The following NEURL1B variants were observed in gnomAD, a reference collection of about 807,000 sequenced individuals.
NEURL1B encodes the protein neuralized E3 ubiquitin protein ligase 1B.
A neutral mutation model predicts 37.4 loss-of-function variants in NEURL1B; 13 were observed. That is an observed-to-expected ratio of 0.35 (90% CI 0.23 to 0.55). The LOEUF (loss-of-function observed/expected upper bound fraction) is 0.55. Ranked by LOEUF, NEURL1B falls within the 20% of genes least tolerant of loss-of-function variation. NEURL1B has a pLI of 0.89. For synonymous variants in NEURL1B, 432 were observed against 426.6 expected (o/e 1.01, Z -0.16); for missense variants, 790 against 879.2 (o/e 0.90, Z 1.28).
chr5:172,641,501 G>A lies in NEURL1B; in HGVS notation c.31+64G>A. ...CTTCTCTCCTCCGGGGGACCCGCTG[G>A]GTGACTCTGGAGAGCTACCCCACGG... On this transcript the variant is annotated intron_variant, in intron 1 of 4. Coordinates refer to ENST00000369800, the MANE Select transcript of NEURL1B (RefSeq NM_001142651.3). This position sits in a 1 kb window ranked among gnomAD's most constrained non-coding sequence, Gnocchi z 6.4. The A allele has an allele frequency of 8.1e-7, 1 of 1,233,012 alleles. No individual in the cohort carries two copies. The highest frequency in any genetic ancestry group is 1.0e-6 in the Non-Finnish European group (1 of 981,440). 76.4% of individuals were successfully genotyped at this position (1,233,012 alleles called of 1,614,324 possible).
intron 2 of NEURL1B, among the ~76,000 whole-genome samples, chr5:172,673,279 G>T (rs1407346172): frequency 1.3e-5 from 2 of 152,114 alleles, no homozygotes; most frequent in Non-Finnish European, 1.5e-5. Flanking sequence ...ATACCTGGGA[G>T]AATTTGGCTT....
chr5:172,680,178 A>C (rs1296842348), intron 2 of NEURL1B, among the ~76,000 whole-genome samples: 2 of 152,160 alleles, frequency 1.3e-5, no homozygotes, highest in East Asian at 3.9e-4. Flanking sequence ...ATTACTCTTC[A>C]TGACAGTAAT....
rs557083433 is a variant in NEURL1B, at chr5:172,645,738, G to A, written c.31+4301G>A. Among the ~76,000 whole-genome samples the A allele has an allele frequency of 8.5e-5, 13 of 152,198 alleles. No homozygotes were observed. The South Asian group carries it at 1.2e-3, about 15-fold the overall frequency. ...TCAGTGATTCTGTAGAATCAGAATC[G>A]CTTGCTACCCTCAGGAGCTGGCCCT... On this transcript the variant is annotated intron_variant, in intron 1 of 4. Coordinates refer to ENST00000369800, the MANE Select transcript of NEURL1B (RefSeq NM_001142651.3).
intron 1 of NEURL1B, among the ~76,000 whole-genome samples, chr5:172,649,345 C>CTTTTTTTT (rs70984904): frequency 1.5e-5 from 1 of 65,164 alleles, no homozygotes; most frequent in Non-Finnish European, 2.8e-5. Context: ...CCCTTCACTT[C>CTTTTTTTT]TTTTTTTTTT....
rs1554098271 is a variant in NEURL1B, at chr5:172,669,787, C to A, written c.34C>A (p.Pro12Thr). ...GTGCTGCCTGTGTCTTTCCGCAGAC[C>A]CGAGCCCACCGGCGCGCCTCCTGGC... ...GNTVHRTLPDPSPPARLLATR... is the reference protein window; with the variant it reads ...GNTVHRTLPDTSPPARLLATR... The change falls in exon 2 of 5, where the codon CCG becomes ACG. Residue 12 changes from proline (P) to threonine (T), a missense_variant and splice_region_variant. Pro to Thr is a conservative substitution (Grantham distance 38). Around this residue, in one of 3 missense-constraint regions of NEURL1B, gnomAD observed 215 missense variants for 309.2 expected, o/e 0.70. Coordinates refer to ENST00000369800, the MANE Select transcript of NEURL1B (RefSeq NM_001142651.3). 1 of 1,266,064 alleles carries A rather than the reference C, an allele frequency of 7.9e-7. No homozygotes were observed. The highest frequency in any genetic ancestry group is 1.0e-6 in the Non-Finnish European group (1 of 997,566). The allele number at this position is 1,266,064 out of a possible 1,614,324, so 78.4% of individuals were successfully genotyped here. A position where few individuals can be genotyped will look rare whatever the true frequency, so the allele number is the denominator to read the frequency against.
chr5:172,651,866 G>A (rs1757672211), intron 1 of NEURL1B, among the ~76,000 whole-genome samples: 1 of 152,208 alleles, frequency 6.6e-6, no homozygotes, highest in Non-Finnish European at 1.5e-5. Flanking sequence ...CAAAAGACCT[G>A]TAAGGGCTTC....
In NEURL1B at chr5:172,684,032, C is replaced by T; in HGVS notation, c.1191C>T (p.Gly397=). The T allele has an allele frequency of 1.5e-6, 2 of 1,338,272 alleles. No individual in the cohort carries two copies. Among genetic ancestry groups the T allele is most frequent in the Non-Finnish European group, 1.9e-6 (2 of 1,041,922 alleles). The allele number at this position is 1,338,272 out of a possible 1,614,324, so 82.9% of individuals were successfully genotyped here. Residue 397 remains glycine, a synonymous_variant, in exon 3 of 5, where the codon GGC becomes GGT. Transcript: ENST00000369800. ...GGCCCGGCGGCGACGTGCTCCTGGGCATCAACGGGCGTCCGCGCGGCCGCC... is the reference window on the plus strand; with the variant it reads ...GGCCCGGCGGCGACGTGCTCCTGGGTATCAACGGGCGTCCGCGCGGCCGCC... ...TLRPGGDVLL[G]INGRPRGRLL...
At chr5:172,678,242 A>G (rs1367006682) in intron 2 of NEURL1B, among the ~76,000 whole-genome samples, 1 of 152,214 alleles carries the variant, frequency 6.6e-6, no homozygotes, top group Non-Finnish European at 1.5e-5. Flanking sequence ...GAAGGCATCT[A>G]AGAACAACTG....
rs1048801693 is a variant in NEURL1B at position 172,661,746 on chromosome 5, C to T, written c.32-8039C>T. On this transcript the variant is annotated intron_variant, in intron 1 of 4. Coordinates refer to ENST00000369800, the MANE Select transcript of NEURL1B (RefSeq NM_001142651.3). The surrounding 1 kb of genome is among the most constrained non-coding windows in gnomAD (Gnocchi z 4.0). Reference sequence around the variant, plus strand: ...GGAACTCCAGCAGGCTGGAAGCCGGCGTCTCGGGGCCAGAGTATCGGGAGC... The same window carrying T: ...GGAACTCCAGCAGGCTGGAAGCCGGTGTCTCGGGGCCAGAGTATCGGGAGC... Among the ~76,000 whole-genome samples, 3 of 152,256 alleles carry T rather than the reference C, an allele frequency of 2.0e-5. No homozygotes were observed. Among genetic ancestry groups the T allele is most frequent in the East Asian group, 3.8e-4 (2 of 5,204 alleles).
intron 1 of NEURL1B, among the ~76,000 whole-genome samples, chr5:172,662,937 G>A (rs1432113688): frequency 6.6e-6 from 1 of 151,634 alleles, no homozygotes; most frequent in Non-Finnish European, 1.5e-5. Flanking sequence ...GATTAACCAT[G>A]GGGGTTAGGC....
intron 1 of NEURL1B, among the ~76,000 whole-genome samples, chr5:172,654,378 A>G (rs1002544651): frequency 7.9e-5 from 12 of 152,052 alleles, no homozygotes; most frequent in Non-Finnish European, 1.6e-4. Flanking sequence ...TTTTCCCTCA[A>G]TCACCTGGGA....
chr5:172,683,624 C>G lies in NEURL1B; in HGVS notation c.783C>G (p.Cys261Trp). ...PADAAAAAIP[C>W]GPRERPRPAS... Reference sequence around the variant, plus strand: ...ACGCCGCGGCCGCCGCCATTCCGTGCGGGCCCCGTGAGCGCCCGCGGCCCG... The same window carrying G: ...ACGCCGCGGCCGCCGCCATTCCGTGGGGGCCCCGTGAGCGCCCGCGGCCCG... The change falls in exon 3 of 5, where the codon TGC (cysteine) becomes TGG (tryptophan). Residue 261 changes from cysteine (C) to tryptophan (W), a missense_variant. By Grantham distance (215) the Cys-to-Trp change is radical. Coordinates refer to ENST00000369800, the MANE Select transcript of NEURL1B (RefSeq NM_001142651.3). This position sits in a 1 kb window ranked among gnomAD's most constrained non-coding sequence, Gnocchi z 5.6. 2 of 1,246,808 alleles carry G rather than the reference C, an allele frequency of 1.6e-6. No homozygotes were observed. The highest frequency in any genetic ancestry group is 1.0e-6 in the Non-Finnish European group (1 of 991,872). 77.2% of individuals were successfully genotyped at this position (1,246,808 alleles called of 1,614,324 possible). A position where few individuals can be genotyped will look rare whatever the true frequency, so the allele number is the denominator to read the frequency against.
At chr5:172,659,402 G>A (rs986463180) in intron 1 of NEURL1B, among the ~76,000 whole-genome samples, 9 of 152,144 alleles carry the variant, frequency 5.9e-5, no homozygotes, top group Admixed American at 5.9e-4. Context: ...AAGGAGAAAC[G>A]GTAGGCCTGG....
intron 2 of NEURL1B, among the ~76,000 whole-genome samples, chr5:172,680,092 G>A (rs939449086): frequency 1.8e-4 from 28 of 152,316 alleles, no homozygotes; most frequent in South Asian, 6.2e-4. Flanking sequence ...ACACAGCAGC[G>A]CTGGGCCCAC....
rs1758546735 is a variant in NEURL1B at position 172,687,931 on chromosome 5, G to A, written c.*1006G>A. ...ACCTGCTGGCAGGAGGAGGAACGAG[G>A]GCTTTATAACTTTGGTTATAACTTT... is the stretch of plus-strand genomic sequence containing the variant. On this transcript the variant is annotated 3_prime_UTR_variant, in exon 5 of 5. Transcript: ENST00000369800. 1 of 152,362 alleles carries A rather than the reference G, an allele frequency of 6.6e-6. No individual in the cohort carries two copies. The highest frequency in any genetic ancestry group is 6.5e-5 in the Admixed American group (1 of 15,288). 9.4% of individuals were successfully genotyped at this position (152,362 alleles called of 1,614,324 possible).
intron 1 of NEURL1B, among the ~76,000 whole-genome samples, chr5:172,669,199 T>G (rs1208192055): frequency 6.6e-6 from 1 of 152,176 alleles, no homozygotes; most frequent in Non-Finnish European, 1.5e-5. Flanking sequence ...GCTAGAGAAG[T>G]GACAAGTCTG....
chr5:172,663,880 A>T (rs10476045), intron 1 of NEURL1B, among the ~76,000 whole-genome samples: 120,057 of 149,036 alleles, frequency 0.81, 48,862 homozygotes, highest in African/African-American at 0.93. Flanking sequence ...GGGTATCTGT[A>T]TGAGTCTGGT....
chr5:172,683,642 GC>G lies in NEURL1B; in HGVS notation c.802del (p.Arg268GlyfsTer23). On this transcript the variant is annotated frameshift_variant, in exon 3 of 5. Coordinates refer to ENST00000369800, the MANE Select transcript of NEURL1B (RefSeq NM_001142651.3). LOFTEE classifies it high-confidence loss of function. This position sits in a 1 kb window ranked among gnomAD's most constrained non-coding sequence, Gnocchi z 5.6. The stretch of plus-strand genomic sequence containing the variant: ...TTCCGTGCGGGCCCCGTGAGCGCCC[GC>G]GGCCCGCGTCGTCGCCGGCGCTACT... ...AIPCGPRERP[R>X]PASSPALLEA... The G allele has an allele frequency of 8.1e-7, 1 of 1,241,212 alleles. No individual in the cohort carries two copies. The highest frequency in any genetic ancestry group is 1.0e-6 in the Non-Finnish European group (1 of 984,558). The allele number at this position is 1,241,212 out of a possible 1,614,324, so 76.9% of individuals were successfully genotyped here.
chr5:172,647,543 C>A lies in NEURL1B; in HGVS notation c.31+6106C>A, dbSNP rs1017694097. 2.8e-4 allele frequency among the ~76,000 whole-genome samples: 42 copies of A among 152,134 alleles called. No individual in the cohort carries two copies. Among genetic ancestry groups the A allele is most frequent in the Non-Finnish European group, 4.1e-4 (28 of 68,022 alleles). On this transcript the variant is annotated intron_variant, in intron 1 of 4. Coordinates refer to ENST00000369800, the MANE Select transcript of NEURL1B (RefSeq NM_001142651.3). This position sits in a 1 kb window ranked among gnomAD's most constrained non-coding sequence, Gnocchi z 4.2. The stretch of plus-strand genomic sequence containing the variant: ...CCCCTCCATCCCACGGGGCACTGCA[C>A]CCTGGGGCCTCTTGCGGCTCCTCTT...
Sources: allele counts gnomAD v4.1 joint callset (sites outside exome capture counted in the v4.1 genomes callset), GRCh38; gene constraint gnomAD v4.1.1; regional missense constraint gnomAD v4.1.1; non-coding constraint Gnocchi (gnomAD v3.1); transcripts MANE v1.5; gene names NCBI Gene and HGNC (gene_info 2026-07-23, HGNC 2026-07-21).